Variants in B3GALT1 observed in about 807,000 individuals in gnomAD.
B3GALT1 encodes beta-1,3-galactosyltransferase 1.
A neutral mutation model predicts 23.2 loss-of-function variants in B3GALT1; 10 were observed. The ratio of observed to expected loss-of-function variants is 0.43; its 90% CI spans 0.27 to 0.73. The LOEUF is 0.73. B3GALT1 is among the 30% of genes least tolerant of loss of function. The pLI is 0.21. For synonymous variants in B3GALT1, 156 were observed against 141.5 expected, an observed-to-expected ratio of 1.10 and a Z score of -0.73; for missense variants, 299 against 405.4, an observed-to-expected ratio of 0.74 and a Z score of 2.25.
rs183574332 is a variant in B3GALT1, at chr2:167,419,514, A to G, written c.-510-70663A>G. 1.7e-4 allele frequency among the ~76,000 whole-genome samples: 26 copies of G among 152,320 alleles called. No individual in the cohort carries two copies. In the South Asian group the frequency reaches 1.9e-3, roughly 11 times the overall value. On this transcript the variant is annotated intron_variant, in intron 1 of 4. Transcript: ENST00000392690. ...AAGCACAGTCTGTATTTGAGAGGCA[A>G]TAATGGAAGACATCATTACATTGTC...
intron 4 of B3GALT1, among the ~76,000 whole-genome samples, chr2:167,827,518 C>T (rs1042155975): frequency 6.6e-6 from 1 of 152,212 alleles, no homozygotes; most frequent in Admixed American, 6.5e-5. Context: ...CCAAGCAGCT[C>T]TCGCTATGGG....
chr2:167,367,094 A>G (rs907928550), intron 1 of B3GALT1, among the ~76,000 whole-genome samples: 3 of 152,218 alleles, frequency 2.0e-5, no homozygotes, highest in Admixed American at 6.5e-5. Flanking sequence ...GTAACAGACT[A>G]TTACATCACA....
At chr2:167,720,079 G>A (rs1011765927) in intron 3 of B3GALT1, among the ~76,000 whole-genome samples, 2 of 152,108 alleles carry the variant, frequency 1.3e-5, no homozygotes, top group Non-Finnish European at 2.9e-5. Flanking sequence ...TACATCATAT[G>A]TTGTGATTAA....
intron 3 of B3GALT1, among the ~76,000 whole-genome samples, chr2:167,669,544 T>G (rs553339200): frequency 6.6e-6 from 1 of 152,234 alleles, no homozygotes; most frequent in African/African-American, 2.4e-5. Flanking sequence ...GATTTTGAAG[T>G]ATATGTATAC....
chr2:167,669,034 C>T (rs1038236854), intron 3 of B3GALT1, among the ~76,000 whole-genome samples: 1 of 152,198 alleles, frequency 6.6e-6, no homozygotes, highest in African/African-American at 2.4e-5. Flanking sequence ...CTGTCCCCCT[C>T]CCTCCCCATT....
At chr2:167,730,300 G>A (rs146681200) in intron 3 of B3GALT1, among the ~76,000 whole-genome samples, 30 of 152,080 alleles carry the variant, frequency 2.0e-4, no homozygotes, top group African/African-American at 6.8e-4. Flanking sequence ...ACTAAATTTA[G>A]CATAGTGTGT....
intron 1 of B3GALT1, among the ~76,000 whole-genome samples, chr2:167,381,348 A>G (rs73021713): frequency 0.013 from 2,029 of 152,332 alleles, 54 homozygotes; most frequent in African/African-American, 0.047. Context: ...GGCGTGAGCT[A>G]CTATGCACCT....
intron 2 of B3GALT1, among the ~76,000 whole-genome samples, chr2:167,586,518 C>T (rs1018950788): frequency 6.6e-6 from 1 of 152,138 alleles, no homozygotes; most frequent in African/African-American, 2.4e-5. Flanking sequence ...CCAGGATGGT[C>T]TCGATCTCCT....
intron 3 of B3GALT1, among the ~76,000 whole-genome samples, chr2:167,676,516 T>TACAC (rs34764364): frequency 0.058 from 8,357 of 145,098 alleles, 275 homozygotes; most frequent in African/African-American, 0.078. Context: ...TGTATGTTTA[T>TACAC]ACACACACAC....
At chr2:167,509,064 A>G (rs1699965280) in intron 2 of B3GALT1, among the ~76,000 whole-genome samples, 1 of 152,240 alleles carries the variant, frequency 6.6e-6, no homozygotes, top group African/African-American at 2.4e-5. Flanking sequence ...ATGGATGTCA[A>G]TTAACTGAGA....
intron 3 of B3GALT1, among the ~76,000 whole-genome samples, chr2:167,684,733 A>G (rs1686588516): frequency 6.6e-6 from 1 of 152,214 alleles, no homozygotes; most frequent in African/African-American, 2.4e-5. Context: ...TATTTTAATA[A>G]TTCTCATTAT....
intron 2 of B3GALT1, among the ~76,000 whole-genome samples, chr2:167,639,682 C>A (rs1249983655): frequency 6.6e-6 from 1 of 151,924 alleles, no homozygotes; most frequent in Non-Finnish European, 1.5e-5. Context: ...AATAAAGTAA[C>A]CTTGAAGCAC....
chr2:167,582,824 C>T (rs1463959813), intron 2 of B3GALT1, among the ~76,000 whole-genome samples: 1 of 152,164 alleles, frequency 6.6e-6, no homozygotes, highest in African/African-American at 2.4e-5. Context: ...TAACCTCTCA[C>T]ATCTAAATCA....
intron 3 of B3GALT1, among the ~76,000 whole-genome samples, chr2:167,664,278 G>A (rs1686129751): frequency 6.6e-6 from 1 of 151,348 alleles, no homozygotes; most frequent in South Asian, 2.1e-4. Flanking sequence ...TTGTAGATGT[G>A]TGGCGTTATT....
At chr2:167,864,836 G>C (rs1160138603) in intron 4 of B3GALT1, among the ~76,000 whole-genome samples, 1 of 152,046 alleles carries the variant, frequency 6.6e-6, no homozygotes, top group Admixed American at 6.6e-5. Context: ...AATATAAACA[G>C]AATAGAATGG....
At chr2:167,325,462 A>G (rs944543951) in intron 1 of B3GALT1, among the ~76,000 whole-genome samples, 3 of 151,698 alleles carry the variant, frequency 2.0e-5, no homozygotes, top group Non-Finnish European at 2.9e-5. Flanking sequence ...GTACTTTTAA[A>G]CCACCAAATT....
At chr2:167,293,575 C>G (rs1362444991) in intron 1 of B3GALT1, among the ~76,000 whole-genome samples, 8 of 152,042 alleles carry the variant, frequency 5.3e-5, no homozygotes, top group Non-Finnish European at 1.2e-4. Flanking sequence ...GATGTGGATG[C>G]GTGTGTGCGC....
intron 2 of B3GALT1, among the ~76,000 whole-genome samples, chr2:167,590,202 C>T (rs989938612): frequency 1.3e-5 from 2 of 151,904 alleles, no homozygotes; most frequent in African/African-American, 2.4e-5. Flanking sequence ...AAAAATTAGC[C>T]GGGCGTGGTG....
At chr2:167,615,015 G>GCC (rs1685134622) in intron 2 of B3GALT1, among the ~76,000 whole-genome samples, 1 of 151,898 alleles carries the variant, frequency 6.6e-6, no homozygotes, top group African/African-American at 2.4e-5. Flanking sequence ...AATAAATAAT[G>GCC]TTTTGAAAAT....
Sources: allele counts gnomAD v4.1 joint callset (sites outside exome capture counted in the v4.1 genomes callset), GRCh38; gene constraint gnomAD v4.1.1; transcripts MANE v1.5; gene names NCBI Gene and HGNC (gene_info 2026-07-23, HGNC 2026-07-21).